ASXL1: variants seen among roughly 807,000 people sequenced by gnomAD.
ASXL1 encodes the protein ASXL transcriptional regulator 1.
A neutral mutation model predicts 89.1 loss-of-function variants in ASXL1; 65 were observed. The ratio of observed to expected loss-of-function variants is 0.73; its 90% CI spans 0.60 to 0.90. ASXL1 has a LOEUF of 0.90. Ranked by LOEUF, ASXL1 falls within the 40% of genes least tolerant of loss-of-function variation. The pLI, the probability that ASXL1 is intolerant of heterozygous loss-of-function variation, is 0.00. For missense variants in ASXL1, 1,786 were observed against 1,942.9 expected, an observed-to-expected ratio of 0.92 and a Z score of 1.52; for synonymous variants, 739 against 746.9, an observed-to-expected ratio of 0.99 and a Z score of 0.17.
chr20:32,435,286 G>C lies in ASXL1; in HGVS notation c.2574G>C (p.Gln858His), dbSNP rs2145369574. 2 of 1,614,160 alleles carry C rather than the reference G, an allele frequency of 1.2e-6. No homozygotes were observed. The highest frequency in any genetic ancestry group is 1.7e-6 in the Non-Finnish European group (2 of 1,180,028). The change falls in exon 13 of 13, where the codon CAG (glutamine) becomes CAC (histidine). Residue 858 changes from glutamine to histidine, a missense_variant. Gln to His is a conservative substitution (Grantham distance 24). Transcript: ENST00000375687. Reference protein sequence around the residue: ...TPESSPTDCLQNRAFDDELGL... With the variant: ...TPESSPTDCLHNRAFDDELGL... Reference sequence around the variant, plus strand: ...AATCCTCACCGACTGATTGCCTGCAGAACAGAGCATTTGATGACGAATTAG... The same window carrying C: ...AATCCTCACCGACTGATTGCCTGCACAACAGAGCATTTGATGACGAATTAG...
At chr20:32,390,100 C>T (rs2048645964) in intron 4 of ASXL1, among the ~76,000 whole-genome samples, 1 of 152,188 alleles carries the variant, frequency 6.6e-6, no homozygotes, top group African/African-American at 2.4e-5. Context: ...TTTAATATGA[C>T]TAACCTGCTG....
rs925292311 is a variant in ASXL1 at position 32,438,063 on chromosome 20, C to G, written c.*725C>G. The stretch of plus-strand genomic sequence containing the variant: ...CCATCTGTAGACCTTGTGAGTCAGC[C>G]GTCCAGATGTTTGCAGGTGAATTCC... On this transcript the variant is annotated 3_prime_UTR_variant, in exon 13 of 13. Coordinates refer to ENST00000375687, the MANE Select transcript of ASXL1 (RefSeq NM_015338.6). The G allele has an allele frequency of 4.3e-6, 1 of 233,456 alleles. No individual in the cohort carries two copies. The highest frequency in any genetic ancestry group is 2.2e-5 in the African/African-American group (1 of 45,312). The allele number at this position is 233,456 out of a possible 1,614,324, so 14.5% of individuals were successfully genotyped here. A position where few individuals can be genotyped will look rare whatever the true frequency, so the allele number is the denominator to read the frequency against.
At chr20:32,411,536 CTTTTTTTTTT>C (rs749530241) in intron 4 of ASXL1, among the ~76,000 whole-genome samples, 1 of 123,898 alleles carries the variant, frequency 8.1e-6, no homozygotes, top group Non-Finnish European at 1.6e-5. Context: ...CCATGGATTC[CTTTTTTTTTT>C]TTTTTTTTTT....
At chr20:32,382,919 G>A (rs534306923) in intron 4 of ASXL1, among the ~76,000 whole-genome samples, 1 of 152,284 alleles carries the variant, frequency 6.6e-6, no homozygotes, top group Admixed American at 6.5e-5. Context: ...TTTAGTGAGG[G>A]AGGAGCTCTC....
intron 4 of ASXL1, among the ~76,000 whole-genome samples, chr20:32,378,867 C>T (rs565978996): frequency 1.3e-5 from 2 of 151,932 alleles, no homozygotes; most frequent in Admixed American, 1.3e-4. Flanking sequence ...GTGGCTCATG[C>T]CTGTAATCCC....
chr20:32,398,603 G>GTTTTTTTTTGTTTGT (rs2048809932), intron 4 of ASXL1, among the ~76,000 whole-genome samples: 3 of 126,450 alleles, frequency 2.4e-5, no homozygotes, highest in Non-Finnish European at 4.7e-5. Flanking sequence ...TTTTTTGTTT[G>GTTTTTTTTTGTTTGT]TTTTTTTTTT....
intron 10 of ASXL1, chr20:32,432,538 T>A (rs1324982841): frequency 9.0e-6 from 3 of 331,768 alleles, no homozygotes; most frequent in African/African-American, 4.3e-5. Context: ...CCTCCTGAAA[T>A]CTAAGTTCCC....
intron 2 of ASXL1, 111 bp downstream of exon 2, chr20:32,366,577 T>C: frequency 6.3e-7 from 1 of 1,583,004 alleles, no homozygotes; most frequent in Non-Finnish European, 8.6e-7. Flanking sequence ...CTTCTGTGTC[T>C]GGTAGTGAGA....
At chr20:32,362,450 C>A (rs2048131650) in intron 1 of ASXL1, among the ~76,000 whole-genome samples, 2 of 152,160 alleles carry the variant, frequency 1.3e-5, no homozygotes, top group African/African-American at 4.8e-5. Context: ...TCCTGGCTAA[C>A]ACGGTGAAAC....
At chr20:32,432,262 C>T (rs1056886641) in intron 10 of ASXL1, 5 of 175,090 alleles carry the variant, frequency 2.9e-5, no homozygotes, top group African/African-American at 1.2e-4. Flanking sequence ...TTCCAAGGTC[C>T]TCTCTCAGTG....
chr20:32,377,108 A>G, intron 4 of ASXL1, among the ~76,000 whole-genome samples: 1 of 112,098 alleles, frequency 8.9e-6, no homozygotes, highest in East Asian at 3.7e-4. Context: ...TATATATAAT[A>G]TATTAATAGA....
intron 4 of ASXL1, among the ~76,000 whole-genome samples, chr20:32,417,723 T>A (rs906954598): frequency 6.6e-6 from 1 of 151,990 alleles, no homozygotes; most frequent in Non-Finnish European, 1.5e-5. Context: ...TGTGTAGGTT[T>A]AAAAAAAATT....
intron 4 of ASXL1, among the ~76,000 whole-genome samples, chr20:32,387,187 T>C (rs1428246565): frequency 6.6e-6 from 1 of 151,784 alleles, no homozygotes; most frequent in Non-Finnish European, 1.5e-5. Context: ...ACCCCCATAA[T>C]CCCAGTTACT....
At chr20:32,378,219 A>G (rs1298952711) in intron 4 of ASXL1, among the ~76,000 whole-genome samples, 1 of 146,060 alleles carries the variant, frequency 6.8e-6, no homozygotes, top group Non-Finnish European at 1.5e-5. Flanking sequence ...GGGCTTTGCC[A>G]TGTTGCCCAG....
At chr20:32,418,704 C>G (rs2049181535) in intron 4 of ASXL1, among the ~76,000 whole-genome samples, 1 of 148,850 alleles carries the variant, frequency 6.7e-6, no homozygotes, top group African/African-American at 2.5e-5. Flanking sequence ...TATCTTGGCT[C>G]TTTGTGACCC....
intron 4 of ASXL1, among the ~76,000 whole-genome samples, chr20:32,402,457 C>G (rs1439559068): frequency 6.6e-6 from 1 of 152,210 alleles, no homozygotes. Context: ...TTTTATTTCT[C>G]TAGGATGAAT....
chr20:32,388,069 A>G (rs911658734), intron 4 of ASXL1, among the ~76,000 whole-genome samples: 2 of 152,194 alleles, frequency 1.3e-5, no homozygotes, highest in South Asian at 2.1e-4. Context: ...CTGCCACCAG[A>G]GTGGTTTAAG....
At chr20:32,434,167 T>C (rs2011637856) in intron 12 of ASXL1, 1 of 705,508 alleles carries the variant, frequency 1.4e-6, no homozygotes, top group South Asian at 1.9e-5. Flanking sequence ...CTTTTTAAGA[T>C]AGCATTAGAT....
At chr20:32,391,574 C>T (rs907437634) in intron 4 of ASXL1, among the ~76,000 whole-genome samples, 3 of 152,178 alleles carry the variant, frequency 2.0e-5, no homozygotes, top group South Asian at 2.1e-4. Flanking sequence ...ACTGCAGCCT[C>T]GATCTTCCAG....
Sources: allele counts gnomAD v4.1 joint callset (sites outside exome capture counted in the v4.1 genomes callset), GRCh38; gene constraint gnomAD v4.1.1; transcripts MANE v1.5; gene names NCBI Gene and HGNC (gene_info 2026-07-23, HGNC 2026-07-21).